SIMC1: variants seen among roughly 807,000 people sequenced by gnomAD.
SIMC1 encodes SUMO interacting motifs containing 1, also known as SUMO-interacting motif-containing protein 1.
In SIMC1, 55 loss-of-function variants were observed where a neutral mutation model predicts 82.3. The observed-to-expected ratio is 0.67, with a 90% confidence interval of 0.54 to 0.84. The LOEUF is 0.84. Among genes scored for constraint, SIMC1 ranks in the 40% least tolerant of loss-of-function variants. SIMC1 has a pLI of 0.00. For missense variants in SIMC1, 915 were observed against 1,107.2 expected (o/e 0.83, Z 2.46); for synonymous variants, 353 against 426.3 (o/e 0.83, Z 2.12).
rs1164211886 is a variant in SIMC1 at position 176,252,204 on chromosome 5, C to T, written c.129+13567C>T. Among the ~76,000 whole-genome samples the T allele has an allele frequency of 8.1e-5, 8 of 98,960 alleles. No individual in the cohort carries two copies. The East Asian group carries it at 8.6e-4, about 11-fold the overall frequency. 64.9% of individuals were successfully genotyped at this position (98,960 alleles called of 152,430 possible). ...CTCCCGGACGGGGCGGCTGGCCGGGCGGGGGGCTGACCGCCCCCCCCACCT... is the reference window on the plus strand; with the variant it reads ...CTCCCGGACGGGGCGGCTGGCCGGGTGGGGGGCTGACCGCCCCCCCCACCT... On this transcript the variant is annotated intron_variant, in intron 1 of 9. Coordinates refer to ENST00000429602, the MANE Select transcript of SIMC1 (RefSeq NM_001308195.2).
chr5:176,344,806 C>T (rs938258126), intron 9 of SIMC1, among the ~76,000 whole-genome samples: 2 of 152,166 alleles, frequency 1.3e-5, no homozygotes, highest in Non-Finnish European at 2.9e-5. Context: ...TCAGGGATTA[C>T]AATTTGGGAC....
intron 7 of SIMC1, among the ~76,000 whole-genome samples, chr5:176,328,935 A>T (rs1433086003): frequency 1.3e-5 from 2 of 152,150 alleles, no homozygotes; most frequent in Non-Finnish European, 2.9e-5. Flanking sequence ...ATTTTATTTT[A>T]AAAAATTGTA....
At chr5:176,292,015 C>T (rs1763597679) in intron 2 of SIMC1, among the ~76,000 whole-genome samples, 1 of 152,140 alleles carries the variant, frequency 6.6e-6, no homozygotes. Flanking sequence ...GAGACTGCAC[C>T]ACTGCACTCC....
At chr5:176,271,944 T>C (rs1762452410) in intron 1 of SIMC1, among the ~76,000 whole-genome samples, 1 of 139,514 alleles carries the variant, frequency 7.2e-6, no homozygotes, top group African/African-American at 2.6e-5. Flanking sequence ...TATACTATTA[T>C]ATATTATATA....
chr5:176,279,394 A>G (rs895634706), intron 1 of SIMC1, among the ~76,000 whole-genome samples: 7 of 151,906 alleles, frequency 4.6e-5, no homozygotes, highest in South Asian at 2.1e-4. Context: ...CTAGCGGTCT[A>G]TCAATTTTGT....
chr5:176,322,333 T>C lies in SIMC1; in HGVS notation c.1950T>C (p.Asn650=). ...VTEDGLTQPP[N]GNQTSSGTGI... is the part of the protein sequence containing the mutation. ...AAGATGGATTGACTCAGCCCCCAAA[T>C]GGAAATCAAACGTCTTCAGGAACAG... Residue 650 remains asparagine, a synonymous_variant, in exon 6 of 10, where the codon AAT becomes AAC. Transcript: ENST00000429602. 1 of 1,592,754 alleles carries C rather than the reference T, an allele frequency of 6.3e-7. No individual in the cohort carries two copies. The highest frequency in any genetic ancestry group is 1.1e-5 in the South Asian group (1 of 87,438).
chr5:176,322,645 G>A (rs756674973), intron 6 of SIMC1: 1 of 519,136 alleles, frequency 1.9e-6, no homozygotes, highest in Non-Finnish European at 3.3e-6. Flanking sequence ...ACTTCACAAA[G>A]TGAATACGAA....
intron 1 of SIMC1, among the ~76,000 whole-genome samples, chr5:176,260,041 A>T (rs1370092957): frequency 2.0e-5 from 3 of 150,098 alleles, no homozygotes; most frequent in African/African-American, 4.9e-5. Flanking sequence ...TTTTAAAATT[A>T]AAAAATACGT....
chr5:176,286,570 G>A (rs1162874217), intron 1 of SIMC1, among the ~76,000 whole-genome samples: 1 of 152,194 alleles, frequency 6.6e-6, no homozygotes. Context: ...ACAGGACATA[G>A]GCATAGGCAA....
chr5:176,313,817 T>A lies in SIMC1; in HGVS notation c.1861T>A (p.Ser621Thr). The A allele has an allele frequency of 6.2e-7, 1 of 1,613,798 alleles. No homozygotes were observed. ...LQQSIANMVLSCDKQPHNVRD... is the reference protein window; with the variant it reads ...LQQSIANMVLTCDKQPHNVRD... ...GCAATCCATTGCAAACATGGTGCTT[T>A]CCTGTGACAAGCAGCCCCACAATGT... The change falls in exon 5 of 10, where the codon TCC (serine) becomes ACC (threonine). Residue 621 changes from serine to threonine, a missense_variant. Ser to Thr is a moderately conservative substitution (Grantham distance 58). Around this residue, in one of 2 missense-constraint regions of SIMC1, gnomAD observed 902 missense variants for 1,040.3 expected, o/e 0.87. Transcript: ENST00000429602.
At chr5:176,342,962 G>A (rs1348443378) in intron 9 of SIMC1, among the ~76,000 whole-genome samples, 11 of 152,210 alleles carry the variant, frequency 7.2e-5, no homozygotes, top group Admixed American at 7.2e-4. Flanking sequence ...ATATGCAGTA[G>A]GTGCTCAGTA....
intron 4 of SIMC1, among the ~76,000 whole-genome samples, chr5:176,306,578 C>T (rs1385612095): frequency 6.6e-6 from 1 of 151,172 alleles, no homozygotes; most frequent in Non-Finnish European, 1.5e-5. Context: ...AGAAAAATTC[C>T]TCTGCCTTGG....
chr5:176,326,112 G>C (rs556649742), intron 7 of SIMC1, among the ~76,000 whole-genome samples: 49 of 152,262 alleles, frequency 3.2e-4, no homozygotes, highest in African/African-American at 1.2e-3. Context: ...GAGTCATTGC[G>C]TAGTGGTGAC....
chr5:176,326,916 C>G (rs554247028), intron 7 of SIMC1, among the ~76,000 whole-genome samples: 2 of 152,298 alleles, frequency 1.3e-5, no homozygotes, highest in South Asian at 4.1e-4. Flanking sequence ...GTGGAGTTAA[C>G]TAGCCTAAGT....
intron 1 of SIMC1, among the ~76,000 whole-genome samples, chr5:176,248,101 G>A (rs1485774059): frequency 6.6e-6 from 1 of 151,982 alleles, no homozygotes; most frequent in Non-Finnish European, 1.5e-5. Context: ...CTCTTTTTTG[G>A]TTCCTTATGA....
intron 9 of SIMC1, among the ~76,000 whole-genome samples, chr5:176,342,671 T>C (rs1561738966): frequency 6.6e-6 from 1 of 152,224 alleles, no homozygotes; most frequent in Non-Finnish European, 1.5e-5. Context: ...CTGTTCTCCA[T>C]GGACTGCTTT....
chr5:176,308,057 G>T, intron 4 of SIMC1: 2 of 714,070 alleles, frequency 2.8e-6, no homozygotes, highest in Non-Finnish European at 5.2e-6. Context: ...AATGAGCTGG[G>T]CCAAGATGGC....
intron 4 of SIMC1, among the ~76,000 whole-genome samples, chr5:176,301,031 CA>C (rs1452595730): frequency 6.6e-6 from 1 of 152,156 alleles, no homozygotes; most frequent in African/African-American, 2.4e-5. Flanking sequence ...AAATTAACAC[CA>C]ATCCTCCTCA....
At chr5:176,306,608 C>T (rs1764422046) in intron 4 of SIMC1, among the ~76,000 whole-genome samples, 1 of 151,362 alleles carries the variant, frequency 6.6e-6, no homozygotes, top group Admixed American at 6.6e-5. Context: ...GATCTGTGAC[C>T]TTACCCCCAA....
Sources: allele counts gnomAD v4.1 joint callset (sites outside exome capture counted in the v4.1 genomes callset), GRCh38; gene constraint gnomAD v4.1.1; regional missense constraint gnomAD v4.1.1; transcripts MANE v1.5; gene names NCBI Gene and HGNC (gene_info 2026-07-23, HGNC 2026-07-21).